Variants in HS6ST3 observed in about 807,000 individuals in gnomAD.
HS6ST3 encodes heparan sulfate 6-O-sulfotransferase 3.
Under a neutral mutation model 36.7 loss-of-function variants are expected in HS6ST3, and 12 were observed. The observed-to-expected ratio is 0.33, with a 90% CI of 0.21 to 0.53. The LOEUF is 0.53. HS6ST3 is among the 20% of genes least tolerant of loss of function. The pLI, the probability that HS6ST3 is intolerant of heterozygous loss-of-function variation, is 0.95. For synonymous variants in HS6ST3, 240 were observed against 257.5 expected (o/e 0.93, Z 0.65); for missense variants, 584 against 640.9 (o/e 0.91, Z 0.96).
intron 1 of HS6ST3, among the ~76,000 whole-genome samples, chr13:96,646,748 CT>C (rs1370957118): frequency 6.6e-6 from 1 of 151,936 alleles, no homozygotes; most frequent in Non-Finnish European, 1.5e-5. Context: ...CATATGGGCC[CT>C]GAGGGAGATT....
chr13:96,321,924 C>A (rs2055004832), intron 1 of HS6ST3, among the ~76,000 whole-genome samples: 1 of 152,088 alleles, frequency 6.6e-6, no homozygotes, highest in African/African-American at 2.4e-5. Context: ...TGGACTATCT[C>A]ATACATTCCC....
At chr13:96,163,052 G>T (rs1322179940) in intron 1 of HS6ST3, among the ~76,000 whole-genome samples, 1 of 152,016 alleles carries the variant, frequency 6.6e-6, no homozygotes, top group Non-Finnish European at 1.5e-5. Context: ...CTAACAAGGG[G>T]TGGAATGATC....
chr13:96,449,887 G>T (rs1483101082), intron 1 of HS6ST3, among the ~76,000 whole-genome samples: 1 of 152,160 alleles, frequency 6.6e-6, no homozygotes, highest in African/African-American at 2.4e-5. Flanking sequence ...GAATTTAAAA[G>T]TTAGAATTTC....
At chr13:96,609,848 T>C (rs2056451310) in intron 1 of HS6ST3, among the ~76,000 whole-genome samples, 1 of 152,236 alleles carries the variant, frequency 6.6e-6, no homozygotes, top group Non-Finnish European at 1.5e-5. Context: ...TAATATTTGA[T>C]GATGGAAAAG....
chr13:96,576,702 G>T (rs1418815999), intron 1 of HS6ST3, among the ~76,000 whole-genome samples: 1 of 151,998 alleles, frequency 6.6e-6, no homozygotes, highest in Non-Finnish European at 1.5e-5. Context: ...AGCACTTTGG[G>T]AGGCCAAGGC....
chr13:96,391,464 A>G (rs1164587), intron 1 of HS6ST3, among the ~76,000 whole-genome samples: 127,592 of 152,212 alleles, frequency 0.84, 53,807 homozygotes, highest in Non-Finnish European at 0.87. Context: ...CTGGGATCAC[A>G]CAAAGCAACA....
intron 1 of HS6ST3, among the ~76,000 whole-genome samples, chr13:96,117,872 CTT>C (rs758866628): frequency 1.4e-5 from 2 of 142,640 alleles, no homozygotes; most frequent in Non-Finnish European, 3.1e-5. Context: ...TAGAATGTGA[CTT>C]TTTTTTTTTT....
chr13:96,332,167 A>G (rs2055074248), intron 1 of HS6ST3, among the ~76,000 whole-genome samples: 1 of 152,212 alleles, frequency 6.6e-6, no homozygotes, highest in African/African-American at 2.4e-5. Flanking sequence ...TGGGAGCTGT[A>G]GACCAGAGCT....
At chr13:96,230,214 G>A (rs1193721836) in intron 1 of HS6ST3, among the ~76,000 whole-genome samples, 1 of 152,170 alleles carries the variant, frequency 6.6e-6, no homozygotes, top group Middle Eastern at 3.2e-3. Context: ...AGAGTGTAAT[G>A]TTGAAGATGG....
intron 1 of HS6ST3, among the ~76,000 whole-genome samples, chr13:96,319,902 A>C (rs921121684): frequency 6.6e-6 from 1 of 152,180 alleles, no homozygotes; most frequent in African/African-American, 2.4e-5. Context: ...CTGGGAAAAC[A>C]AGATTGCTGC....
chr13:96,580,311 A>G (rs2056337230), intron 1 of HS6ST3, among the ~76,000 whole-genome samples: 1 of 150,886 alleles, frequency 6.6e-6, no homozygotes, highest in Admixed American at 6.6e-5. Flanking sequence ...TCTGTATAAC[A>G]TTATCATTTT....
At chr13:96,367,230 A>T (rs1046321093) in intron 1 of HS6ST3, among the ~76,000 whole-genome samples, 1 of 152,230 alleles carries the variant, frequency 6.6e-6, no homozygotes, top group Non-Finnish European at 1.5e-5. Flanking sequence ...CTGATATAAG[A>T]CACATACCTT....
intron 1 of HS6ST3, among the ~76,000 whole-genome samples, chr13:96,650,800 G>C (rs949078215): frequency 1.3e-5 from 2 of 152,076 alleles, no homozygotes; most frequent in Non-Finnish European, 2.9e-5. Flanking sequence ...TCTTCTATGT[G>C]TGGGTGGATA....
At chr13:96,486,226 G>T (rs1047185733) in intron 1 of HS6ST3, among the ~76,000 whole-genome samples, 3 of 151,972 alleles carry the variant, frequency 2.0e-5, no homozygotes, top group Admixed American at 1.3e-4. Context: ...AGTATTCTAT[G>T]GTGTATATGT....
chr13:96,443,525 G>T (rs1327866447), intron 1 of HS6ST3, among the ~76,000 whole-genome samples: 5 of 90,554 alleles, frequency 5.5e-5, no homozygotes, highest in Admixed American at 5.5e-4. Context: ...GCGAGACTCC[G>T]TCTCAAAAAA....
At chr13:96,273,865 C>T (rs1333702814) in intron 1 of HS6ST3, among the ~76,000 whole-genome samples, 2 of 151,790 alleles carry the variant, frequency 1.3e-5, no homozygotes, top group African/African-American at 2.4e-5. Flanking sequence ...CTGCCAGGCC[C>T]TTCCTTTCTA....
intron 1 of HS6ST3, among the ~76,000 whole-genome samples, chr13:96,522,397 G>C (rs577160929): frequency 6.6e-6 from 1 of 152,202 alleles, no homozygotes; most frequent in South Asian, 2.1e-4. Context: ...TCAAGTCCTG[G>C]ATATCCTTGT....
At chr13:96,761,119 C>CTG (rs1479849209) in intron 1 of HS6ST3, among the ~76,000 whole-genome samples, 1 of 143,182 alleles carries the variant, frequency 7.0e-6, no homozygotes, top group African/African-American at 2.6e-5. Context: ...TTTTTTTTCA[C>CTG]TTTTTTTTTT....
chr13:96,606,708 A>C (rs2056440438), intron 1 of HS6ST3, among the ~76,000 whole-genome samples: 1 of 152,064 alleles, frequency 6.6e-6, no homozygotes, highest in Admixed American at 6.6e-5. Context: ...CCCATACCTC[A>C]GTGAAACACA....
Sources: gnomAD v4.1 joint callset for allele counts (sites outside exome capture counted in the v4.1 genomes callset) on GRCh38, gnomAD v4.1.1 for gene constraint, MANE v1.5 for transcripts, NCBI Gene and HGNC (gene_info 2026-07-23, HGNC 2026-07-21) for gene names.